The following BTG4 variants were observed in gnomAD, a reference collection of about 807,000 sequenced individuals.
BTG4 encodes the protein protein BTG4.
In BTG4, 10 loss-of-function variants were observed where a neutral mutation model predicts 19.3. That is an observed-to-expected ratio of 0.52 (90% CI 0.32 to 0.88). BTG4 has a LOEUF of 0.88. Among genes scored for constraint, BTG4 ranks in the 40% least tolerant of loss-of-function variants. BTG4 has a pLI of 0.04. For missense variants in BTG4, 238 were observed against 281.9 expected, an observed-to-expected ratio of 0.84 and a Z score of 1.11; for synonymous variants, 91 against 95.7, an observed-to-expected ratio of 0.95 and a Z score of 0.29.
intron 5 of BTG4, among the ~76,000 whole-genome samples, chr11:111,480,106 G>A (rs117987112): frequency 0.029 from 4,466 of 151,874 alleles, 100 homozygotes; most frequent in Middle Eastern, 0.088. Context: ...AACTCACCTC[G>A]AATATAATAA....
At chr11:111,456,849 G>A in the BTG4 span, 8 of 225,650 alleles carry the variant, frequency 3.5e-5, no homozygotes, top group African/African-American at 1.6e-4. This position sits in a 1 kb window ranked among gnomAD's most constrained non-coding sequence, Gnocchi z 4.2. Context: ...AGCACAGGAC[G>A]CAGGGCTCTC....
At chr11:111,442,194 C>T in the BTG4 span, among the ~76,000 whole-genome samples, 2 of 151,638 alleles carry the variant, frequency 1.3e-5, no homozygotes, top group South Asian at 2.1e-4. Context: ...AATTCTAGGA[C>T]GGGGACAGGA....
chr11:111,426,806 C>T, the BTG4 span, among the ~76,000 whole-genome samples: 2 of 152,246 alleles, frequency 1.3e-5, no homozygotes, highest in Non-Finnish European at 2.9e-5. Context: ...AGGTTTGGCA[C>T]AGCCAGCTCC....
the BTG4 span, among the ~76,000 whole-genome samples, chr11:111,391,172 A>C: frequency 6.6e-6 from 1 of 152,206 alleles, no homozygotes; most frequent in African/African-American, 2.4e-5. Flanking sequence ...TTGGAGAGCA[A>C]GTTCTCCAGC....
At chr11:111,506,124 G>T (rs752485161) in intron 1 of BTG4, among the ~76,000 whole-genome samples, 1 of 152,068 alleles carries the variant, frequency 6.6e-6, no homozygotes, top group Non-Finnish European at 1.5e-5. Flanking sequence ...CCACTACTGG[G>T]TATCTACCCA....
the BTG4 span, among the ~76,000 whole-genome samples, chr11:111,406,466 C>G: frequency 6.6e-6 from 1 of 152,218 alleles, no homozygotes; most frequent in African/African-American, 2.4e-5. Flanking sequence ...TGTCTTGCCT[C>G]TGCTCACTTT....
At chr11:111,470,177 C>G (rs1285025807) in intron 5 of BTG4, among the ~76,000 whole-genome samples, 1 of 152,118 alleles carries the variant, frequency 6.6e-6, no homozygotes, top group Non-Finnish European at 1.5e-5. Context: ...CTGACTGCAG[C>G]CTTGACCTGC....
chr11:111,441,754 A>G, the BTG4 span, among the ~76,000 whole-genome samples: 1 of 152,208 alleles, frequency 6.6e-6, no homozygotes, highest in African/African-American at 2.4e-5. Context: ...GCATTAACAG[A>G]AAGGGAAAAG....
At chr11:111,450,435 C>T in the BTG4 span, 1 of 152,742 alleles carries the variant, frequency 6.5e-6, no homozygotes, top group South Asian at 2.1e-4. Context: ...TCTATGTGGT[C>T]AAGATGGATG....
chr11:111,481,657 G>C (rs1175099166), intron 5 of BTG4, among the ~76,000 whole-genome samples: 16 of 151,676 alleles, frequency 1.1e-4, no homozygotes, highest in Non-Finnish European at 1.5e-5. Context: ...TGGATGCAAA[G>C]CTGGTTCAGT....
the BTG4 span, among the ~76,000 whole-genome samples, chr11:111,438,495 T>A: frequency 6.6e-6 from 1 of 152,222 alleles, no homozygotes; most frequent in African/African-American, 2.4e-5. Flanking sequence ...GGCACTCTCA[T>A]GGGCCATTTC....
In BTG4 at chr11:111,494,991, T is replaced by C. The variant is rs1865629526; in HGVS notation, c.*144A>G. The C allele has an allele frequency of 1.0e-6, 1 of 985,280 alleles. No homozygotes were observed. Among genetic ancestry groups the C allele is most frequent in the African/African-American group, 1.7e-5 (1 of 57,234 alleles). 61.0% of individuals were successfully genotyped at this position (985,280 alleles called of 1,614,324 possible). A position where few individuals can be genotyped will look rare whatever the true frequency, so the allele number is the denominator to read the frequency against. Reference sequence around the variant, plus strand: ...CAGCTAAGAACAGTGATGATCTGTATGAGAGGATTTACCATTGTGTACCCT... The same window carrying C: ...CAGCTAAGAACAGTGATGATCTGTACGAGAGGATTTACCATTGTGTACCCT... On this transcript the variant is annotated 3_prime_UTR_variant, in exon 5 of 5. Coordinates refer to ENST00000692032, the MANE Select transcript of BTG4 (RefSeq NM_001367975.1).
chr11:111,470,493 A>G (rs1041420128), intron 5 of BTG4, among the ~76,000 whole-genome samples: 1 of 152,202 alleles, frequency 6.6e-6, no homozygotes, highest in East Asian at 1.9e-4. Flanking sequence ...ATTATCAATA[A>G]TTAAGCAGAA....
the BTG4 span, among the ~76,000 whole-genome samples, chr11:111,393,062 G>C: frequency 7.2e-5 from 11 of 152,192 alleles, no homozygotes; most frequent in East Asian, 2.1e-3. Context: ...ATACCATATC[G>C]TCACCTAGAT....
At chr11:111,430,742 T>C in the BTG4 span, among the ~76,000 whole-genome samples, 1 of 152,182 alleles carries the variant, frequency 6.6e-6, no homozygotes, top group Admixed American at 6.5e-5. Flanking sequence ...ATGAGGAAAC[T>C]GAGACCCAGA....
chr11:111,458,660 C>A, the BTG4 span, among the ~76,000 whole-genome samples: 3 of 152,076 alleles, frequency 2.0e-5, no homozygotes, highest in Non-Finnish European at 4.4e-5. Flanking sequence ...CCACTTCCCA[C>A]GAATAAACGC....
intron 5 of BTG4, among the ~76,000 whole-genome samples, chr11:111,474,644 T>C (rs1327067475): frequency 6.6e-6 from 1 of 152,144 alleles, no homozygotes; most frequent in African/African-American, 2.4e-5. Flanking sequence ...CTTCTGGTGA[T>C]GATACATAAC....
intron 5 of BTG4, among the ~76,000 whole-genome samples, chr11:111,468,479 C>G (rs1238301245): frequency 6.6e-6 from 1 of 152,176 alleles, no homozygotes; most frequent in Non-Finnish European, 1.5e-5. Flanking sequence ...AAAACTCGAG[C>G]CCAGGTGTGT....
At chr11:111,386,742 G>A in the BTG4 span, among the ~76,000 whole-genome samples, 1 of 152,162 alleles carries the variant, frequency 6.6e-6, no homozygotes, top group Admixed American at 6.5e-5. Flanking sequence ...ACAGTAATGG[G>A]CTCCGAGGTA....
Sources: gnomAD v4.1 joint callset for allele counts (sites outside exome capture counted in the v4.1 genomes callset) on GRCh38, gnomAD v4.1.1 for gene constraint, Gnocchi (gnomAD v3.1) non-coding constraint, MANE v1.5 for transcripts, NCBI Gene and HGNC (gene_info 2026-07-23, HGNC 2026-07-21) for gene names.